The following IBTK variants were observed in gnomAD, a reference collection of about 807,000 sequenced individuals.
IBTK encodes the protein BTK-binding protein.
In IBTK, 83 loss-of-function variants were observed where a neutral mutation model predicts 154.9. The ratio of observed to expected loss-of-function variants is 0.54; its 90% CI spans 0.45 to 0.64. The LOEUF is 0.64. Ranked by LOEUF, IBTK falls within the 30% of genes least tolerant of loss-of-function variation. The probability of loss-of-function intolerance (pLI) is 0.00; values close to 1 mark genes in which losing one functional copy is unlikely to be tolerated. For synonymous variants in IBTK, 515 were observed against 536.1 expected, an observed-to-expected ratio of 0.96 and a Z score of 0.54; for missense variants, 1,332 against 1,584.6, an observed-to-expected ratio of 0.84 and a Z score of 2.71.
At chr6:82,213,198 T>C in intron 12 of IBTK, among the ~76,000 whole-genome samples, 1 of 152,122 alleles carries the variant, frequency 6.6e-6, no homozygotes, top group East Asian at 1.9e-4. Flanking sequence ...CGGCTAATTT[T>C]TGTAATTTTT....
At chr6:82,229,589 GA>G (rs969262532) in intron 4 of IBTK, among the ~76,000 whole-genome samples, 6 of 148,018 alleles carry the variant, frequency 4.1e-5, no homozygotes, top group Non-Finnish European at 9.0e-5. Flanking sequence ...CTCAGCATGA[GA>G]AAAAAAAAAC....
rs778925231 is a variant in IBTK, at chr6:82,201,387, T to C, written c.2790+35A>G. The C allele has an allele frequency of 3.7e-5, 56 of 1,503,074 alleles. No homozygotes were observed. The South Asian group carries it at 6.3e-4, about 17-fold the overall frequency. The allele number at this position is 1,503,074 out of a possible 1,614,324, so 93.1% of individuals were successfully genotyped here. ...TAATATACTGCTTAAGCTGGTAATA[T>C]TATAGCCGCGAAAATCTTAAAACAT... On this transcript the variant is annotated intron_variant, in intron 19 of 28. Transcript: ENST00000306270.
chr6:82,195,192 C>T (rs1474022646), intron 22 of IBTK, among the ~76,000 whole-genome samples: 1 of 151,962 alleles, frequency 6.6e-6, no homozygotes, highest in Non-Finnish European at 1.5e-5. Flanking sequence ...CACAATATAC[C>T]CTGAGCCTTC....
rs1767897407 is a variant in IBTK at position 82,170,513 on chromosome 6, T to C, written c.*912A>G. On this transcript the variant is annotated 3_prime_UTR_variant, in exon 29 of 29. Coordinates refer to ENST00000306270, the MANE Select transcript of IBTK (RefSeq NM_015525.4). ...AACAACATCCTATACAGAAAACAATTTTTATGTCTAGATATACAATTGAGG... is the reference window on the plus strand; with the variant it reads ...AACAACATCCTATACAGAAAACAATCTTTATGTCTAGATATACAATTGAGG... 1 of 152,152 alleles carries C rather than the reference T, an allele frequency of 6.6e-6. No homozygotes were observed. Among genetic ancestry groups the C allele is most frequent in the African/African-American group, 2.4e-5 (1 of 41,452 alleles). 9.4% of individuals were successfully genotyped at this position (152,152 alleles called of 1,614,324 possible).
Position 82,216,158 on chromosome 6 carries a change from T to G in IBTK, c.1519A>C (p.Thr507Pro). Residue 507 changes from threonine (T) to proline (P), a missense_variant, in exon 11 of 29, where the codon ACC becomes CCC. Transcript: ENST00000306270. ...ACACTAACAGCTCTATGTGCAAAGG[T>G]AAGTTTCTCAAGTCGAATTCTTTCA... The part of the protein sequence containing the change: ...VYERIRLEKL[T>P]FAHRAVSVST... 4 of 1,613,578 alleles carry G rather than the reference T, an allele frequency of 2.5e-6. No homozygotes were observed. Among genetic ancestry groups the G allele is most frequent in the Non-Finnish European group, 3.4e-6 (4 of 1,179,694 alleles).
chr6:82,235,906 C>G (rs145771675), intron 2 of IBTK, among the ~76,000 whole-genome samples: 2 of 152,028 alleles, frequency 1.3e-5, no homozygotes, highest in Admixed American at 1.3e-4. Context: ...CGGAGTCTTG[C>G]TCTGTCACCC....
intron 1 of IBTK, 150 bp downstream of exon 1, chr6:82,247,412 G>A (rs1032744222): frequency 1.8e-5 from 7 of 394,894 alleles, no homozygotes; most frequent in Non-Finnish European, 2.2e-5. Flanking sequence ...AAGCCCGGCA[G>A]CCTCGGGGCC....
intron 17 of IBTK, among the ~76,000 whole-genome samples, chr6:82,204,291 G>C (rs1411931973): frequency 6.6e-6 from 1 of 152,084 alleles, no homozygotes; most frequent in African/African-American, 2.4e-5. Flanking sequence ...AATAAGTTTT[G>C]ACAACTGAAT....
At chr6:82,233,644 TAA>T (rs1377591926) in intron 3 of IBTK, among the ~76,000 whole-genome samples, 1 of 150,654 alleles carries the variant, frequency 6.6e-6, no homozygotes, top group Non-Finnish European at 1.5e-5. Flanking sequence ...CCCACTACTT[TAA>T]GAAGAATAAA....
At position 82,240,214 on chromosome 6, in the gene IBTK, G is replaced by A; in HGVS notation, c.273C>T (p.His91=). The A allele has an allele frequency of 6.2e-7, 1 of 1,614,120 alleles. No individual in the cohort carries two copies. Among genetic ancestry groups the A allele is most frequent in the Non-Finnish European group, 8.5e-7 (1 of 1,180,000 alleles). ...CAATATGTCCATAAAAAATGCTTCT[G>A]TGCAATGCTGTCCATCCAGACTCTT... ...KDKESGWTAL[H]RSIFYGHIDC... Residue 91 remains histidine, a synonymous_variant, in exon 2 of 29, where the codon CAC becomes CAT. Transcript: ENST00000306270.
chr6:82,240,739 A>G lies in IBTK; in HGVS notation c.-253T>C. 2.1e-6 allele frequency: 1 copy of G among 477,070 alleles called. No homozygotes were observed. Among genetic ancestry groups the G allele is most frequent in the Non-Finnish European group, 3.7e-6 (1 of 273,956 alleles). The allele number at this position is 477,070 out of a possible 1,614,324, so 29.6% of individuals were successfully genotyped here. On this transcript the variant is annotated 5_prime_UTR_variant, in exon 2 of 29. Coordinates refer to ENST00000306270, the MANE Select transcript of IBTK (RefSeq NM_015525.4). ...AGTTCTTCATTTAAAAAAATTCCAC[A>G]GTTTATAAATTATTCCTGGAGTCAA...
chr6:82,245,579 T>C (rs538957140), intron 1 of IBTK, among the ~76,000 whole-genome samples: 4 of 152,018 alleles, frequency 2.6e-5, no homozygotes, highest in African/African-American at 9.6e-5. Context: ...GTACCATATG[T>C]GTTGGCCTGA....
chr6:82,182,469 C>T (rs1768356309), intron 25 of IBTK, among the ~76,000 whole-genome samples: 1 of 151,210 alleles, frequency 6.6e-6, no homozygotes, highest in Admixed American at 6.6e-5. Context: ...ATCTGAAAAA[C>T]AAAAAAGAGA....
chr6:82,188,336 T>C (rs1045649710), intron 25 of IBTK, among the ~76,000 whole-genome samples: 1 of 152,224 alleles, frequency 6.6e-6, no homozygotes, highest in Non-Finnish European at 1.5e-5. Flanking sequence ...GTTTATTTTG[T>C]TCAATATCAT....
Position 82,200,139 on chromosome 6 carries a change from A to G in IBTK, c.3025+2T>C. The G allele has an allele frequency of 1.9e-6, 3 of 1,557,746 alleles. No individual in the cohort carries two copies. The highest frequency in any genetic ancestry group is 1.4e-5 in the African/African-American group (1 of 73,472). On this transcript the variant is annotated splice_donor_variant, in intron 21 of 28. Transcript: ENST00000306270. LOFTEE classifies it high-confidence loss of function. ...GGAAATACATGCTCACTTTCCACGAACCTGTAGATGATGGACTCTGAATAA... is the reference window on the plus strand; with the variant it reads ...GGAAATACATGCTCACTTTCCACGAGCCTGTAGATGATGGACTCTGAATAA...
intron 3 of IBTK, among the ~76,000 whole-genome samples, chr6:82,233,788 A>T (rs1418344217): frequency 6.8e-6 from 1 of 147,378 alleles, no homozygotes; most frequent in Non-Finnish European, 1.5e-5. Context: ...ATCTCAACTC[A>T]CTGCAACCTC....
intron 3 of IBTK, 85 bp from the exon 4 acceptor site, chr6:82,231,927 C>T (rs1367322966): frequency 4.3e-6 from 3 of 699,310 alleles, no homozygotes; most frequent in Non-Finnish European, 6.8e-6. Context: ...AGAAAGATGC[C>T]AACGCTCTTC....
intron 10 of IBTK, among the ~76,000 whole-genome samples, chr6:82,217,405 T>G (rs1769911968): frequency 6.6e-6 from 1 of 152,150 alleles, no homozygotes; most frequent in African/African-American, 2.4e-5. Context: ...CTCAGTGAAC[T>G]GCAAATATTT....
chr6:82,242,140 C>T (rs753189475), intron 1 of IBTK, among the ~76,000 whole-genome samples: 2 of 151,764 alleles, frequency 1.3e-5, no homozygotes, highest in Non-Finnish European at 2.9e-5. Flanking sequence ...GAGGCCGAGG[C>T]GGGCAGATCA....
Sources: gnomAD v4.1 joint callset for allele counts (sites outside exome capture counted in the v4.1 genomes callset) on GRCh38, gnomAD v4.1.1 for gene constraint, MANE v1.5 for transcripts, NCBI Gene and HGNC (gene_info 2026-07-23, HGNC 2026-07-21) for gene names.